SAFB: variants seen among roughly 807,000 people sequenced by gnomAD.
SAFB encodes the protein scaffold attachment factor B1.
In SAFB, 15 loss-of-function variants were observed where a neutral mutation model predicts 101.6. That is an observed-to-expected ratio of 0.15 (90% CI 0.10 to 0.23). SAFB has a LOEUF of 0.23. SAFB is among the 10% of genes least tolerant of loss of function. The probability of loss-of-function intolerance (pLI) is 1.00; values close to 1 mark genes in which losing one functional copy is unlikely to be tolerated. For synonymous variants in SAFB, 449 were observed against 407.5 expected, an observed-to-expected ratio of 1.10 and a Z score of -1.23; for missense variants, 930 against 1,104.1, an observed-to-expected ratio of 0.84 and a Z score of 2.23.
chr19:5,653,016 G>A (rs1005307419), intron 9 of SAFB, 99 bp from the exon 10 acceptor site: 34 of 1,218,896 alleles, frequency 2.8e-5, no homozygotes, highest in South Asian at 1.1e-4. Flanking sequence ...AACACTTGTC[G>A]GACCCCTGAT....
At position 5,661,913 on chromosome 19, in the gene SAFB, C is replaced by CGCT. The variant is rs1476272396; in HGVS notation, c.2153+105_2153+106insGCT. ...TTTTTTTTTTTTTTTGAGACGGAGT[C>CGCT]TTGCTTTGTCGCGGAGGCTGGAGTG... On this transcript the variant is annotated intron_variant, in intron 15 of 20. Transcript: ENST00000588852. 1.4e-4 allele frequency: 119 copies of CGCT among 866,030 alleles called. No individual in the cohort carries two copies. In the African/African-American group the frequency reaches 1.8e-3, roughly 13 times the overall value. The allele number at this position is 866,030 out of a possible 1,614,324, so 53.6% of individuals were successfully genotyped here. A position where few individuals can be genotyped will look rare whatever the true frequency, so the allele number is the denominator to read the frequency against.
At chr19:5,640,398 G>T (rs570098354) in intron 2 of SAFB, among the ~76,000 whole-genome samples, 2 of 114,260 alleles carry the variant, frequency 1.8e-5, no homozygotes, top group Non-Finnish European at 3.3e-5. Context: ...ATGGAGTCTC[G>T]CTCTGTTGCC....
intron 6 of SAFB, 30 bp downstream of exon 6, chr19:5,648,073 G>C (rs749330371): frequency 6.3e-7 from 1 of 1,591,348 alleles, no homozygotes; most frequent in Admixed American, 1.7e-5. Context: ...TTACCAGCGG[G>C]GGTTTGGAAC....
rs531024579 is a variant in SAFB, at chr19:5,655,225, G to A, written c.1755+769G>A. On this transcript the variant is annotated intron_variant, in intron 13 of 20. Coordinates refer to ENST00000588852, the MANE Select transcript of SAFB (RefSeq NM_001201338.2). ...TGTAATCCCAGCAGTTTGGTATGCT[G>A]AGCTGGGAGGATACTTGAGCCCAGG... Among the ~76,000 whole-genome samples, 161 of 152,180 alleles carry A rather than the reference G, an allele frequency of 1.1e-3. 1 individual carries two copies. The highest frequency in any genetic ancestry group is 3.8e-3 in the African/African-American group (158 of 41,512).
At chr19:5,664,631 CCAAA>C in intron 17 of SAFB, 192 bp downstream of exon 17, 3 of 561,104 alleles carry the variant, frequency 5.3e-6, no homozygotes, top group South Asian at 2.0e-5. Flanking sequence ...GGCTGTCAGT[CCAAA>C]CAGTTACTCT....
In SAFB at chr19:5,667,014, T is replaced by A. The variant is rs758721666; in HGVS notation, c.2335-32T>A. 2.2e-6 allele frequency: 3 copies of A among 1,389,954 alleles called. No homozygotes were observed. The Admixed American group carries it at 5.0e-5, about 23-fold the overall frequency. The allele number at this position is 1,389,954 out of a possible 1,614,324, so 86.1% of individuals were successfully genotyped here. ...GGGGTCTGGGCGCTGACACTGAAGC[T>A]TTTTTTTCCCTTCTGGCTCTGTGAT... On this transcript the variant is annotated intron_variant, in intron 17 of 20. Transcript: ENST00000588852. This position sits in a 1 kb window ranked among gnomAD's most constrained non-coding sequence, Gnocchi z 4.0.
chr19:5,641,516 T>G, intron 2 of SAFB, 78 bp from the exon 3 acceptor site: 1 of 1,146,670 alleles, frequency 8.7e-7, no homozygotes. Flanking sequence ...AGTGACCACT[T>G]GTGTAGTGCT....
intron 17 of SAFB, chr19:5,665,049 T>G (rs1443913601): frequency 6.5e-6 from 1 of 153,002 alleles, no homozygotes; most frequent in East Asian, 1.9e-4. Context: ...CACATTGCTG[T>G]GTGGAAGATG....
intron 2 of SAFB, among the ~76,000 whole-genome samples, chr19:5,634,523 A>G (rs1303179090): frequency 6.6e-6 from 1 of 152,094 alleles, no homozygotes; most frequent in Non-Finnish European, 1.5e-5. Flanking sequence ...TAAGAATAAA[A>G]CTGAGAAACA....
At chr19:5,644,017 G>A (rs896643071) in intron 4 of SAFB, among the ~76,000 whole-genome samples, 2 of 152,102 alleles carry the variant, frequency 1.3e-5, no homozygotes, top group African/African-American at 2.4e-5. Flanking sequence ...AAGTCATCAA[G>A]TTGGCTGTCA....
intron 4 of SAFB, among the ~76,000 whole-genome samples, chr19:5,642,673 T>TTTC (rs2053746645): frequency 7.0e-6 from 1 of 142,562 alleles, no homozygotes; most frequent in Non-Finnish European, 1.5e-5. Flanking sequence ...TTTTTTTTTT[T>TTTC]TTTTCTGAGA....
intron 14 of SAFB, among the ~76,000 whole-genome samples, chr19:5,661,237 C>T (rs2054194147): frequency 6.6e-6 from 1 of 152,042 alleles, no homozygotes; most frequent in African/African-American, 2.4e-5. Context: ...TTATTTTTGA[C>T]TGGCTGTTTC....
At chr19:5,628,184 G>C (rs1347542715) in intron 2 of SAFB, among the ~76,000 whole-genome samples, 2 of 152,048 alleles carry the variant, frequency 1.3e-5, no homozygotes, top group Non-Finnish European at 2.9e-5. Flanking sequence ...CCAGGAGGTG[G>C]AGGTTGCACT....
In SAFB at chr19:5,661,814, C is replaced by T. The variant is rs1275066208; in HGVS notation, c.2153+6C>T. 1.0e-5 allele frequency: 16 copies of T among 1,533,528 alleles called. No homozygotes were observed. Among genetic ancestry groups the T allele is most frequent in the Non-Finnish European group, 1.4e-5 (16 of 1,139,068 alleles). 95.0% of individuals were successfully genotyped at this position (1,533,528 alleles called of 1,614,324 possible). The stretch of plus-strand genomic sequence containing the variant: ...CGGCCCTACGACCTGGACCGGTAAG[C>T]AGATCCATGCTGCCCTTAGCACGTG... On this transcript the variant is annotated splice_donor_region_variant and intron_variant, in intron 15 of 20. Transcript: ENST00000588852.
At chr19:5,662,144 C>A (rs1009762338) in intron 15 of SAFB, among the ~76,000 whole-genome samples, 12 of 152,150 alleles carry the variant, frequency 7.9e-5, no homozygotes, top group Non-Finnish European at 1.5e-5. Context: ...CTCGGCCTCC[C>A]AAAATGCTGG....
chr19:5,660,341 C>CTTT (rs1319670285), intron 14 of SAFB, among the ~76,000 whole-genome samples: 1 of 107,160 alleles, frequency 9.3e-6, no homozygotes, highest in Non-Finnish European at 1.9e-5. Flanking sequence ...CCTGCACACA[C>CTTT]CTTTTTTTTT....
rs560468443 is a variant in SAFB at position 5,651,431 on chromosome 19, G to A, written c.1293+359G>A. Among the ~76,000 whole-genome samples, 27 of 152,306 alleles carry A rather than the reference G, an allele frequency of 1.8e-4. 2 individuals are homozygous for A. The South Asian group carries it at 4.6e-3, about 26-fold the overall frequency. On this transcript the variant is annotated intron_variant, in intron 9 of 20. Coordinates refer to ENST00000588852, the MANE Select transcript of SAFB (RefSeq NM_001201338.2). ...CAGCAGTGTTCTTAGAACAGTGTTC[G>A]TGATGCTGGAACTCAGAACTCAGAA...
intron 15 of SAFB, 70 bp from the exon 16 acceptor site, chr19:5,663,952 G>T: frequency 6.6e-7 from 1 of 1,525,874 alleles, no homozygotes; most frequent in South Asian, 1.2e-5. Flanking sequence ...CTAGGGGCCA[G>T]CTCCCACAAA....
intron 4 of SAFB, among the ~76,000 whole-genome samples, chr19:5,642,918 C>T (rs1048679567): frequency 1.3e-5 from 2 of 152,014 alleles, no homozygotes; most frequent in Non-Finnish European, 2.9e-5. Flanking sequence ...CCGCCTGCCT[C>T]AGACTCCCAA....
Sources: allele counts gnomAD v4.1 joint callset (sites outside exome capture counted in the v4.1 genomes callset), GRCh38; gene constraint gnomAD v4.1.1; non-coding constraint Gnocchi (gnomAD v3.1); transcripts MANE v1.5; gene names NCBI Gene and HGNC (gene_info 2026-07-23, HGNC 2026-07-21).